The following EPHA6 variants were observed in gnomAD, a reference collection of about 807,000 sequenced individuals.
EPHA6 encodes the protein ephrin type-A receptor 6.
In EPHA6, 50 loss-of-function variants were observed where a neutral mutation model predicts 112.0. The ratio of observed to expected loss-of-function variants is 0.45; its 90% CI spans 0.36 to 0.56. The LOEUF is 0.56. Among genes scored for constraint, EPHA6 ranks in the 20% least tolerant of loss-of-function variants. The probability of loss-of-function intolerance (pLI) is 0.00; values close to 1 mark genes in which losing one functional copy is unlikely to be tolerated. For synonymous variants in EPHA6, 529 were observed against 490.7 expected (o/e 1.08, Z -1.03); for missense variants, 1,280 against 1,417.4 (o/e 0.90, Z 1.56).
intron 10 of EPHA6, among the ~76,000 whole-genome samples, chr3:97,519,237 G>A (rs922124921): frequency 5.9e-5 from 9 of 152,102 alleles, no homozygotes; most frequent in African/African-American, 2.2e-4. Flanking sequence ...TTACAGCCTT[G>A]TTTATTGAAG....
At chr3:97,351,955 T>C (rs755512897) in intron 5 of EPHA6, among the ~76,000 whole-genome samples, 1 of 152,052 alleles carries the variant, frequency 6.6e-6, no homozygotes, top group Non-Finnish European at 1.5e-5. Flanking sequence ...CCCCCCATTA[T>C]TACTGGAACC....
intron 2 of EPHA6, among the ~76,000 whole-genome samples, chr3:96,915,544 A>G (rs771596862): frequency 1.3e-5 from 2 of 152,048 alleles, no homozygotes; most frequent in Non-Finnish European, 2.9e-5. Context: ...ACAGTTATTT[A>G]TTGTTATTCT....
intron 7 of EPHA6, among the ~76,000 whole-genome samples, chr3:97,454,738 C>T (rs559311022): frequency 6.6e-6 from 1 of 151,980 alleles, no homozygotes; most frequent in African/African-American, 2.4e-5. Context: ...TTGATCCAGT[C>T]TGTTGGTTGA....
intron 5 of EPHA6, among the ~76,000 whole-genome samples, chr3:97,297,967 T>C (rs1389305575): frequency 6.6e-6 from 1 of 152,122 alleles, no homozygotes. Context: ...TTTCACCATG[T>C]TGGTCAGAAT....
chr3:97,221,021 A>G (rs752347219), intron 3 of EPHA6, among the ~76,000 whole-genome samples: 19 of 152,268 alleles, frequency 1.2e-4, no homozygotes, highest in Non-Finnish European at 2.4e-4. Context: ...GTAGAAATTA[A>G]AAAGGTAATG....
intron 14 of EPHA6, among the ~76,000 whole-genome samples, chr3:97,645,056 G>A (rs1368072362): frequency 1.3e-5 from 2 of 152,016 alleles, no homozygotes; most frequent in African/African-American, 2.4e-5. Flanking sequence ...CTGGCAAAAC[G>A]AATCCAGCAG....
chr3:97,190,682 C>A (rs1449753881), intron 3 of EPHA6, among the ~76,000 whole-genome samples: 1 of 151,812 alleles, frequency 6.6e-6, no homozygotes, highest in Non-Finnish European at 1.5e-5. Flanking sequence ...ACTGAATAAG[C>A]TAATTAATAT....
chr3:97,146,569 G>A (rs2076047513), intron 3 of EPHA6, among the ~76,000 whole-genome samples: 2 of 151,784 alleles, frequency 1.3e-5, no homozygotes, highest in African/African-American at 4.8e-5. Flanking sequence ...CTTAATCCAT[G>A]ACTCTTGTAC....
At chr3:96,897,128 A>G (rs999360757) in intron 2 of EPHA6, among the ~76,000 whole-genome samples, 3 of 152,078 alleles carry the variant, frequency 2.0e-5, no homozygotes, top group South Asian at 2.1e-4. Flanking sequence ...CATGCCAATT[A>G]TATTTTTATT....
intron 3 of EPHA6, among the ~76,000 whole-genome samples, chr3:97,197,457 G>A (rs568188636): frequency 1.5e-4 from 23 of 151,994 alleles, no homozygotes; most frequent in Middle Eastern, 3.4e-3. Context: ...AGGGTGTGTC[G>A]AGAAATGTCA....
chr3:97,549,460 A>C (rs1206296921), intron 11 of EPHA6, among the ~76,000 whole-genome samples: 1 of 152,186 alleles, frequency 6.6e-6, no homozygotes, highest in Non-Finnish European at 1.5e-5. Flanking sequence ...TTGAAGAATA[A>C]GAACAAAATG....
chr3:96,848,255 A>G (rs1045611812), intron 1 of EPHA6, among the ~76,000 whole-genome samples: 1 of 152,074 alleles, frequency 6.6e-6, no homozygotes, highest in African/African-American at 2.4e-5. Context: ...TAATATTTCT[A>G]CTTTAATAAA....
At chr3:97,668,551 C>G (rs1022225081) in intron 14 of EPHA6, among the ~76,000 whole-genome samples, 49 of 152,198 alleles carry the variant, frequency 3.2e-4, no homozygotes, top group African/African-American at 1.1e-3. Context: ...AATATTTTAG[C>G]CAGTTGTCTT....
chr3:97,434,555 G>T (rs940462206), intron 6 of EPHA6, among the ~76,000 whole-genome samples: 6 of 151,972 alleles, frequency 3.9e-5, no homozygotes, highest in Admixed American at 1.3e-4. Flanking sequence ...CCAATCTAGT[G>T]ACAAAAAAAT....
chr3:97,631,329 C>T (rs1281968778), intron 13 of EPHA6, among the ~76,000 whole-genome samples: 2 of 151,888 alleles, frequency 1.3e-5, no homozygotes, highest in Non-Finnish European at 2.9e-5. Context: ...TCTAGCAACA[C>T]AAAAATGGGA....
At chr3:97,244,412 T>A (rs1225221159) in intron 5 of EPHA6, 125 bp downstream of exon 5, 16 of 744,102 alleles carry the variant, frequency 2.2e-5, no homozygotes, top group Middle Eastern at 2.8e-4. Flanking sequence ...GCAGAGGTAA[T>A]GCACTGGTTG....
rs75458806 is a variant in EPHA6, at chr3:97,653,643, C to T, written c.2784+15561C>T. 7.8e-3 allele frequency among the ~76,000 whole-genome samples: 1,183 copies of T among 151,920 alleles called. 16 individuals are homozygous for T. The highest frequency in any genetic ancestry group is 0.027 in the African/African-American group (1,106 of 41,478). On this transcript the variant is annotated intron_variant, in intron 14 of 17. Coordinates refer to ENST00000389672, the MANE Select transcript of EPHA6 (RefSeq NM_001080448.3). ...AGAATTACCATATGATTCAGCAATC[C>T]CACTTCTAGGTATATAATCAAAGGA...
intron 3 of EPHA6, among the ~76,000 whole-genome samples, chr3:97,114,168 A>G (rs1249306756): frequency 6.6e-6 from 1 of 152,124 alleles, no homozygotes; most frequent in Non-Finnish European, 1.5e-5. Flanking sequence ...TCTTCTTTAT[A>G]CTTCCAATCA....
chr3:97,328,326 A>G (rs950212189), intron 5 of EPHA6, among the ~76,000 whole-genome samples: 6 of 151,912 alleles, frequency 3.9e-5, no homozygotes, highest in African/African-American at 1.2e-4. Flanking sequence ...CAAGCAAAAT[A>G]TGTGTGATTC....
Sources: gnomAD v4.1 joint callset for allele counts (sites outside exome capture counted in the v4.1 genomes callset) on GRCh38, gnomAD v4.1.1 for gene constraint, MANE v1.5 for transcripts, NCBI Gene and HGNC (gene_info 2026-07-23, HGNC 2026-07-21) for gene names.